Variants in DYRK4 observed in about 807,000 individuals in gnomAD.
DYRK4 encodes the protein dual specificity tyrosine phosphorylation regulated kinase 4, also known as dual specificity tyrosine-phosphorylation-regulated kinase 4.
A neutral mutation model predicts 68.3 loss-of-function variants in DYRK4; 64 were observed. That is an observed-to-expected ratio of 0.94 (90% CI 0.77 to 1.15). DYRK4 has a LOEUF of 1.15. DYRK4 is among the 50% of genes most tolerant of loss of function. DYRK4 has a pLI of 0.00. For missense variants in DYRK4, 740 were observed against 764.7 expected, an observed-to-expected ratio of 0.97 and a Z score of 0.38; for synonymous variants, 274 against 289.9, an observed-to-expected ratio of 0.95 and a Z score of 0.56.
rs561346688 is a variant in DYRK4 at position 4,598,020 on chromosome 12, T to A, written c.906-1008T>A. The stretch of plus-strand genomic sequence containing the variant: ...GGCAGAGGTTGCAGTGAGCTGAGAT[T>A]GTGCCACTGCACTCCAGCCTGGTCA... On this transcript the variant is annotated intron_variant, in intron 8 of 14. Coordinates refer to ENST00000543431, the MANE Select transcript of DYRK4 (RefSeq NM_001394779.1). 5.7e-3 allele frequency among the ~76,000 whole-genome samples: 862 copies of A among 152,254 alleles called. 7 individuals carry two copies. The highest frequency in any genetic ancestry group is 0.016 in the South Asian group (79 of 4,830).
chr12:4,569,148 C>G (rs10849096), intron 2 of DYRK4, among the ~76,000 whole-genome samples: 48,635 of 152,094 alleles, frequency 0.32, 9,821 homozygotes, highest in Middle Eastern at 0.45. Context: ...ACAAATGGAC[C>G]CTAATACAAA....
intron 2 of DYRK4, among the ~76,000 whole-genome samples, chr12:4,584,366 C>T (rs116648341): frequency 3.9e-5 from 6 of 152,054 alleles, no homozygotes; most frequent in Non-Finnish European, 5.9e-5. Flanking sequence ...TTCCGGCTTG[C>T]GGAAGCAGGA....
chr12:4,571,293 G>A (rs1327848799), intron 2 of DYRK4, among the ~76,000 whole-genome samples: 1 of 152,246 alleles, frequency 6.6e-6, no homozygotes, highest in South Asian at 2.1e-4. Flanking sequence ...CAGAAGCACA[G>A]CTACTTTTTC....
intron 2 of DYRK4, among the ~76,000 whole-genome samples, chr12:4,575,439 G>C (rs947577450): frequency 3.3e-5 from 5 of 152,032 alleles, no homozygotes; most frequent in African/African-American, 9.7e-5. Context: ...CTCTTGAGTA[G>C]TTGGGACTAC....
chr12:4,604,934 C>G lies in DYRK4; in HGVS notation c.1147C>G (p.Arg383Gly). ...HQKVYTYIQSRFYRSPEVILG... is the reference protein window; with the variant it reads ...HQKVYTYIQSGFYRSPEVILG... Reference sequence around the variant, plus strand: ...CGCAGTATACACGTACATCCAAAGCCGGTTCTACCGATCCCCAGAAGTGAT... The same window carrying G: ...CGCAGTATACACGTACATCCAAAGCGGGTTCTACCGATCCCCAGAAGTGAT... Residue 383 changes from arginine to glycine, a missense_variant, in exon 11 of 15, where the codon CGG becomes GGG. By Grantham distance (125) the Arg-to-Gly change is moderately radical. Transcript: ENST00000543431. 1.9e-6 allele frequency: 3 copies of G among 1,610,846 alleles called. No homozygotes were observed. The highest frequency in any genetic ancestry group is 2.2e-5 in the East Asian group (1 of 44,704).
At chr12:4,569,143 T>C (rs1944706226) in intron 2 of DYRK4, among the ~76,000 whole-genome samples, 1 of 152,218 alleles carries the variant, frequency 6.6e-6, no homozygotes, top group African/African-American at 2.4e-5. Flanking sequence ...CTCATACAAA[T>C]GGACCCTAAT....
intron 13 of DYRK4, among the ~76,000 whole-genome samples, chr12:4,611,659 T>A (rs1945222697): frequency 6.6e-6 from 1 of 152,200 alleles, no homozygotes; most frequent in African/African-American, 2.4e-5. Flanking sequence ...TTGAGCTGTT[T>A]TAGGACCTTA....
Position 4,605,047 on chromosome 12 carries a change from C to A in DYRK4, c.1260C>A (p.Pro420=), listed in dbSNP as rs780972192. The A allele has an allele frequency of 6.2e-7, 1 of 1,613,976 alleles. No homozygotes were observed. The highest frequency in any genetic ancestry group is 8.5e-7 in the Non-Finnish European group (1 of 1,179,928). Residue 420 remains proline (P), a synonymous_variant, in exon 11 of 15, where the codon CCC becomes CCA. Transcript: ENST00000543431. ...TGTACACGGGCTACCCCCTGTTCCC[C>A]GGGGAGAATGAGGTGGAGCAGCTGG... ...AELYTGYPLF[P]GENEVEQLAC...
At chr12:4,582,235 G>A (rs551110263) in intron 2 of DYRK4, among the ~76,000 whole-genome samples, 34 of 152,208 alleles carry the variant, frequency 2.2e-4, no homozygotes, top group Middle Eastern at 3.4e-3. Context: ...ACCTGAGGTC[G>A]GGAGTTCGAG....
intron 6 of DYRK4, 48 bp from the exon 7 acceptor site, chr12:4,596,101 C>T (rs2137375392): frequency 1.9e-6 from 3 of 1,599,592 alleles, no homozygotes; most frequent in Non-Finnish European, 2.6e-6. Context: ...ACCAGGAAGG[C>T]CTGGGAGCCC....
chr12:4,604,835 TGAGAA>T, intron 10 of DYRK4, 74 bp from the exon 11 acceptor site: 3 of 1,453,470 alleles, frequency 2.1e-6, no homozygotes, highest in Non-Finnish European at 2.7e-6. Context: ...GCAGTCTAAC[TGAGAA>T]GTTGTCCTGG....
chr12:4,588,134 A>G (rs912095577), intron 2 of DYRK4, among the ~76,000 whole-genome samples: 37 of 152,250 alleles, frequency 2.4e-4, no homozygotes, highest in Admixed American at 1.3e-3. Context: ...ATCATAGCTC[A>G]CTGTAACCTG....
chr12:4,612,568 C>G lies in DYRK4; in HGVS notation c.1516C>G (p.Pro506Ala), dbSNP rs1488601771. 3.7e-6 allele frequency: 6 copies of G among 1,614,078 alleles called. No individual in the cohort carries two copies. In the Admixed American group the frequency reaches 8.3e-5, roughly 22 times the overall value. ...LVWEPSLRMT[P>A]DQALKHAWIH... ...ATGGGAACCTTCTCTTCGCATGACC[C>G]CGGACCAGGCCCTCAAGCATGCTTG... Residue 506 changes from proline to alanine, a missense_variant, in exon 14 of 15, where the codon CCG becomes GCG. Transcript: ENST00000543431.
At chr12:4,581,055 T>G in intron 2 of DYRK4, 1 of 331,716 alleles carries the variant, frequency 3.0e-6, no homozygotes, top group Non-Finnish European at 6.0e-6. Context: ...TAGCCCTAAA[T>G]AGGGACCAGT....
intron 2 of DYRK4, among the ~76,000 whole-genome samples, chr12:4,579,684 C>G (rs1297561750): frequency 1.3e-5 from 2 of 152,168 alleles, no homozygotes; most frequent in Non-Finnish European, 2.9e-5. Flanking sequence ...CTCAAACCCT[C>G]CTACATGATG....
intron 9 of DYRK4, 91 bp from the exon 10 acceptor site, chr12:4,599,616 A>G (rs779889639): frequency 2.2e-5 from 20 of 909,630 alleles, no homozygotes; most frequent in African/African-American, 3.3e-5. Flanking sequence ...TCATATTTGA[A>G]CTGGGCCCTG....
intron 13 of DYRK4, among the ~76,000 whole-genome samples, chr12:4,611,064 C>A (rs1945215099): frequency 6.6e-6 from 1 of 152,154 alleles, no homozygotes; most frequent in Admixed American, 6.5e-5. Context: ...AGCTCCCTTC[C>A]AGTTCTATCA....
chr12:4,562,324 G>A (rs740059), intron 1 of DYRK4, 41 bp downstream of exon 1: 724,602 of 1,524,064 alleles, frequency 0.48, 180,014 homozygotes, highest in East Asian at 0.84. Flanking sequence ...GCAGTCAGGC[G>A]CGAGTACGAG....
chr12:4,572,199 T>C (rs1944736814), intron 2 of DYRK4, among the ~76,000 whole-genome samples: 1 of 152,126 alleles, frequency 6.6e-6, no homozygotes, highest in Non-Finnish European at 1.5e-5. Context: ...AATAGACCAG[T>C]GGTTTCTTAG....
Sources: allele counts gnomAD v4.1 joint callset (sites outside exome capture counted in the v4.1 genomes callset), GRCh38; gene constraint gnomAD v4.1.1; transcripts MANE v1.5; gene names NCBI Gene and HGNC (gene_info 2026-07-23, HGNC 2026-07-21).